The following MYH9 variants were observed in gnomAD, a reference collection of about 807,000 sequenced individuals.
The protein encoded by MYH9 is myosin-9.
MYH9 carries 29 observed loss-of-function variants against 241.9 expected under a neutral mutation model. That is an observed-to-expected ratio of 0.12 (90% CI 0.09 to 0.16). MYH9 has a LOEUF of 0.16. MYH9 is among the 10% of genes least tolerant of loss of function. The pLI, the probability that MYH9 is intolerant of heterozygous loss-of-function variation, is 1.00. For synonymous variants in MYH9, 1,047 were observed against 1,062.6 expected (o/e 0.99, Z 0.29); for missense variants, 1,803 against 2,595.5 (o/e 0.69, Z 6.63).
At chr22:36,283,625 TGA>T (rs1368025367) in intron 40 of MYH9, among the ~76,000 whole-genome samples, 5 of 142,214 alleles carry the variant, frequency 3.5e-5, no homozygotes, top group East Asian at 3.8e-4. Context: ...AAACACAAAA[TGA>T]GAGTCTCAAA....
chr22:36,380,064 C>A (rs549078618), intron 1 of MYH9, among the ~76,000 whole-genome samples: 1 of 152,220 alleles, frequency 6.6e-6, no homozygotes, highest in Non-Finnish European at 1.5e-5. Flanking sequence ...CATGCAGTGG[C>A]GGTCCCATTT....
In MYH9 at chr22:36,281,598, C is replaced by A. The variant is rs1255109162; in HGVS notation, c.*1070G>T. 1 of 230,338 alleles carries A rather than the reference C, an allele frequency of 4.3e-6. No individual in the cohort carries two copies. Among genetic ancestry groups the A allele is most frequent in the East Asian group, 6.2e-5 (1 of 16,174 alleles). The allele number at this position is 230,338 out of a possible 1,614,324, so 14.3% of individuals were successfully genotyped here. On this transcript the variant is annotated 3_prime_UTR_variant, in exon 41 of 41. Transcript: ENST00000216181. ...AGTAAATTCGGCAACCAGTGTAGAC[C>A]AGTGAGGACGAGCTACTCTCTTCTA...
At chr22:36,348,168 T>C (rs2017708323) in intron 2 of MYH9, among the ~76,000 whole-genome samples, 1 of 149,368 alleles carries the variant, frequency 6.7e-6, no homozygotes, top group South Asian at 2.1e-4. Context: ...AAAAATAAAA[T>C]GTTAAAAAAG....
chr22:36,283,216 A>G (rs886088970), intron 40 of MYH9, among the ~76,000 whole-genome samples: 1 of 152,102 alleles, frequency 6.6e-6, no homozygotes, highest in Non-Finnish European at 1.5e-5. Flanking sequence ...ATTCATATAC[A>G]ATACTGACTA....
At position 36,300,115 on chromosome 22, in the gene MYH9, C is replaced by A; in HGVS notation, c.2976+12G>T. ...CCCTGGAGCAGCGGCAGGCGACAGC[C>A]ACGGGCCTCACCTTGGCCAGCTTGC... On this transcript the variant is annotated intron_variant, in intron 23 of 40. Transcript: ENST00000216181. The surrounding 1 kb of genome is among the most constrained non-coding windows in gnomAD (Gnocchi z 5.0). 6.2e-7 allele frequency: 1 copy of A among 1,609,530 alleles called. No homozygotes were observed. The highest frequency in any genetic ancestry group is 1.7e-4 in the Middle Eastern group (1 of 6,060).
At chr22:36,356,352 G>A (rs1015195584) in intron 1 of MYH9, among the ~76,000 whole-genome samples, 1 of 151,524 alleles carries the variant, frequency 6.6e-6, no homozygotes, top group Non-Finnish European at 1.5e-5. Context: ...AGGCTGAGGC[G>A]AGTGGATCAC....
rs2187780 is a variant in MYH9 at position 36,311,741 on chromosome 22, A to C, written c.1728+308T>G. On this transcript the variant is annotated intron_variant, in intron 14 of 40. Coordinates refer to ENST00000216181, the MANE Select transcript of MYH9 (RefSeq NM_002473.6). ...GCAGAGCTCTATTCAAACTCTGAGCACATGCCTTTAGCCAAAGCTCTGCAC... is the reference window on the plus strand; with the variant it reads ...GCAGAGCTCTATTCAAACTCTGAGCCCATGCCTTTAGCCAAAGCTCTGCAC... Among the ~76,000 whole-genome samples the C allele has an allele frequency of 0.53, 80,171 of 152,190 alleles. 23,801 individuals carry two copies. The highest frequency in any genetic ancestry group is 0.68 in the Non-Finnish European group (45,927 of 68,010).
chr22:36,379,650 G>C (rs535505247), intron 1 of MYH9, among the ~76,000 whole-genome samples: 31 of 152,330 alleles, frequency 2.0e-4, no homozygotes, highest in African/African-American at 7.2e-4. Context: ...GAAGTGACTC[G>C]AGGGTGGGGA....
At chr22:36,313,178 G>A (rs2017093150) in intron 13 of MYH9, among the ~76,000 whole-genome samples, 1 of 136,496 alleles carries the variant, frequency 7.3e-6, no homozygotes, top group African/African-American at 2.8e-5. Context: ...AAAACCCAGA[G>A]ACAGGCCAGG....
At chr22:36,303,904 C>G in intron 19 of MYH9, 91 bp downstream of exon 19, 1 of 1,482,296 alleles carries the variant, frequency 6.7e-7, no homozygotes, top group Non-Finnish European at 9.2e-7. Flanking sequence ...ATGTGACTGG[C>G]TGCAGCGGGG....
intron 15 of MYH9, chr22:36,308,993 C>T (rs184453174): frequency 1.0e-4 from 48 of 463,090 alleles, no homozygotes; most frequent in Middle Eastern, 1.1e-3. Context: ...TGCAACATGG[C>T]GCGGGGCTGG....
At chr22:36,323,662 C>G (rs1217483851) in intron 5 of MYH9, among the ~76,000 whole-genome samples, 1 of 152,136 alleles carries the variant, frequency 6.6e-6, no homozygotes, top group Non-Finnish European at 1.5e-5. Context: ...CGGGGACACT[C>G]TGGAGTCTAG....
rs2017112012 is a variant in MYH9, at chr22:36,314,111, G to T, written c.1554+34C>A. ...GTGCCCCGGAAGGGAAAAGCCAGAG[G>T]CAGGTGTGAGGTCAAAGCAAGCCTG... On this transcript the variant is annotated intron_variant, in intron 13 of 40. Transcript: ENST00000216181. 2.5e-6 allele frequency: 4 copies of T among 1,604,416 alleles called. No individual in the cohort carries two copies. The Admixed American group carries it at 5.0e-5, about 20-fold the overall frequency.
In MYH9 at chr22:36,282,758, G is replaced by A. The variant is rs1488672097; in HGVS notation, c.5793C>T (p.Pro1931=). ...LRRGDLPFVV[P]RRMARKGAGD... Reference sequence around the variant, plus strand: ...CGGCGCCTTTCCGGGCCATTCGGCGGGGCACGACAAACGGCAGGTCCCCGC... The same window carrying A: ...CGGCGCCTTTCCGGGCCATTCGGCGAGGCACGACAAACGGCAGGTCCCCGC... Residue 1931 remains proline (P), a synonymous_variant, in exon 41 of 41, where the codon CCC becomes CCT. Transcript: ENST00000216181. 1 of 1,612,964 alleles carries A rather than the reference G, an allele frequency of 6.2e-7. No individual in the cohort carries two copies. Among genetic ancestry groups the A allele is most frequent in the South Asian group, 1.1e-5 (1 of 91,088 alleles).
At chr22:36,317,681 G>A (rs536101694) in intron 11 of MYH9, among the ~76,000 whole-genome samples, 2 of 152,230 alleles carry the variant, frequency 1.3e-5, no homozygotes, top group African/African-American at 4.8e-5. Flanking sequence ...GGCAGAAAGC[G>A]GTCCGCACTG....
At position 36,306,515 on chromosome 22, in the gene MYH9, C is replaced by G. The variant is rs2016972595; in HGVS notation, c.1936G>C (p.Val646Leu). The G allele has an allele frequency of 6.2e-7, 1 of 1,614,158 alleles. No individual in the cohort carries two copies. The highest frequency in any genetic ancestry group is 2.2e-5 in the East Asian group (1 of 44,888). ...AGCTGCTCCTTGTAAAGCTGCCCCACAGTGCGGAACATGCCCTTCCGCGTC... is the reference window on the plus strand; with the variant it reads ...AGCTGCTCCTTGTAAAGCTGCCCCAGAGTGCGGAACATGCCCTTCCGCGTC... ...FKTRKGMFRT[V>L]GQLYKEQLAK... Residue 646 changes from valine to leucine, a missense_variant, in exon 16 of 41, where the codon GTG becomes CTG. Transcript: ENST00000216181. This position sits in a 1 kb window ranked among gnomAD's most constrained non-coding sequence, Gnocchi z 4.1.
intron 31 of MYH9, among the ~76,000 whole-genome samples, chr22:36,290,862 A>T (rs1179884970): frequency 7.0e-6 from 1 of 143,236 alleles, no homozygotes; most frequent in African/African-American, 2.6e-5. Context: ...GGTGAGGAGC[A>T]TCTCTGCCCG....
chr22:36,327,080 G>T (rs1168589057), intron 4 of MYH9, among the ~76,000 whole-genome samples: 1 of 152,204 alleles, frequency 6.6e-6, no homozygotes, highest in Non-Finnish European at 1.5e-5. Flanking sequence ...GAGGCTGAGA[G>T]GCCCCAGTGT....
chr22:36,385,523 G>T (rs2272827), intron 1 of MYH9, among the ~76,000 whole-genome samples: 1 of 152,166 alleles, frequency 6.6e-6, no homozygotes, highest in African/African-American at 2.4e-5. Flanking sequence ...TTCATCCTAC[G>T]AGAGAGAAGT....
Sources: gnomAD v4.1 joint callset for allele counts (sites outside exome capture counted in the v4.1 genomes callset) on GRCh38, gnomAD v4.1.1 for gene constraint, Gnocchi (gnomAD v3.1) non-coding constraint, MANE v1.5 for transcripts, NCBI Gene and HGNC (gene_info 2026-07-23, HGNC 2026-07-21) for gene names.